The following ARHGAP6 variants were observed in gnomAD, a reference collection of about 807,000 sequenced individuals.
ARHGAP6 encodes the protein Rho GTPase activating protein 6.
A neutral mutation model predicts 55.7 loss-of-function variants in ARHGAP6; 16 were observed. The ratio of observed to expected loss-of-function variants is 0.29; its 90% CI spans 0.19 to 0.44. The LOEUF is 0.44. Among genes scored for constraint, ARHGAP6 ranks in the 20% least tolerant of loss-of-function variants. The pLI, the probability that ARHGAP6 is intolerant of heterozygous loss-of-function variation, is 1.00. For missense variants in ARHGAP6, 698 were observed against 808.9 expected (o/e 0.86, Z 1.66); for synonymous variants, 382 against 360.9 (o/e 1.06, Z -0.66).
chrX:11,473,077 A>C (rs2050364369), intron 1 of ARHGAP6, among the ~76,000 whole-genome samples: 1 of 111,031 alleles, frequency 9.0e-6, no homozygotes, highest in Non-Finnish European at 1.9e-5. Flanking sequence ...GTTTCCCTCC[A>C]AACATTGCCA....
chrX:11,298,495 C>G, intron 1 of ARHGAP6: 1 of 1,201,429 alleles, frequency 8.3e-7, no homozygotes, highest in Non-Finnish European at 1.1e-6. Flanking sequence ...TGCTGCTTCT[C>G]TGGTTGGAGT....
chrX:11,191,455 C>A (rs1353101157), intron 3 of ARHGAP6, among the ~76,000 whole-genome samples: 1 of 111,895 alleles, frequency 8.9e-6, no homozygotes, highest in Non-Finnish European at 1.9e-5. Context: ...GCCACCCCTG[C>A]TATAAATTAC....
intron 3 of ARHGAP6, among the ~76,000 whole-genome samples, chrX:11,194,731 G>A (rs935324353): frequency 1.8e-5 from 2 of 111,683 alleles, no homozygotes; most frequent in African/African-American, 3.3e-5. Context: ...TCCAAAGGAA[G>A]TAAAACAATG....
At chrX:11,210,821 A>G (rs2147387896) in intron 2 of ARHGAP6, among the ~76,000 whole-genome samples, 1 of 112,618 alleles carries the variant, frequency 8.9e-6, no homozygotes, top group South Asian at 3.6e-4. Context: ...TGAAACCAGG[A>G]GATTCCAACA....
intron 10 of ARHGAP6, among the ~76,000 whole-genome samples, chrX:11,153,853 T>C (rs1256278429): frequency 9.0e-6 from 1 of 111,081 alleles, no homozygotes; most frequent in Non-Finnish European, 1.9e-5. Flanking sequence ...AGGGTACATG[T>C]GCACAATGTG....
At chrX:11,158,636 T>C (rs896692654) in intron 9 of ARHGAP6, among the ~76,000 whole-genome samples, 1 of 112,528 alleles carries the variant, frequency 8.9e-6, no homozygotes, top group Middle Eastern at 4.2e-3. Flanking sequence ...GAAACTCTTT[T>C]TATTCCCATG....
chrX:11,419,609 A>T (rs1226309814), intron 1 of ARHGAP6, among the ~76,000 whole-genome samples: 1 of 112,144 alleles, frequency 8.9e-6, no homozygotes, highest in Non-Finnish European at 1.9e-5. Flanking sequence ...TGGCATCACC[A>T]AGCTAGGAAC....
intron 10 of ARHGAP6, among the ~76,000 whole-genome samples, chrX:11,153,614 A>G (rs1302281122): frequency 1.9e-5 from 2 of 107,960 alleles, no homozygotes; most frequent in Non-Finnish European, 3.8e-5. Context: ...AAAAGTAAAC[A>G]CTCATTTATT....
intron 1 of ARHGAP6, among the ~76,000 whole-genome samples, chrX:11,662,700 C>A (rs749178268): frequency 8.9e-6 from 1 of 112,322 alleles, no homozygotes; most frequent in Non-Finnish European, 1.9e-5. Context: ...ATACTATATT[C>A]CAAGTATGTA....
chrX:11,584,223 C>A (rs1314855194), intron 1 of ARHGAP6, among the ~76,000 whole-genome samples: 1 of 111,704 alleles, frequency 9.0e-6, no homozygotes, highest in Non-Finnish European at 1.9e-5. Context: ...CCCAGATAAG[C>A]AAACACAACC....
chrX:11,323,729 G>GT (rs1466003150), intron 1 of ARHGAP6, among the ~76,000 whole-genome samples: 1 of 109,357 alleles, frequency 9.1e-6, no homozygotes, highest in Admixed American at 9.7e-5. Context: ...GCTGGGCTTG[G>GT]TGGTGGGCAG....
intron 1 of ARHGAP6, among the ~76,000 whole-genome samples, chrX:11,475,560 TACACACACACACACACAC>T (rs199969639): frequency 1.1e-4 from 11 of 95,901 alleles, no homozygotes; most frequent in African/African-American, 4.2e-4. Flanking sequence ...TTAAAGAAAC[TACACACACACACACACAC>T]ACACACACAC....
rs536387594 is a variant in ARHGAP6, at chrX:11,609,458, T to A, written c.588+54783A>T. On this transcript the variant is annotated intron_variant, in intron 1 of 12. Transcript: ENST00000337414. Reference sequence around the variant, plus strand: ...CTTCTGTCCACTATTACTTGAGGGCTATTCTCTGAGGCATTAACCCCGCTT... The same window carrying A: ...CTTCTGTCCACTATTACTTGAGGGCAATTCTCTGAGGCATTAACCCCGCTT... Among the ~76,000 whole-genome samples the A allele has an allele frequency of 5.4e-5, 6 of 111,584 alleles. No homozygotes were observed. In the South Asian group the frequency reaches 2.3e-3, roughly 43 times the overall value.
intron 5 of ARHGAP6, among the ~76,000 whole-genome samples, chrX:11,182,967 T>C (rs2046338168): frequency 8.9e-6 from 1 of 111,787 alleles, no homozygotes; most frequent in Non-Finnish European, 1.9e-5. Flanking sequence ...TAGGTATTTT[T>C]ACATAGTTGA....
chrX:11,273,958 T>G (rs2047723366), intron 1 of ARHGAP6, among the ~76,000 whole-genome samples: 1 of 111,667 alleles, frequency 9.0e-6, no homozygotes, highest in Admixed American at 9.5e-5. Context: ...TATGCCCATT[T>G]TATAGATGAA....
chrX:11,642,649 G>T lies in ARHGAP6; in HGVS notation c.588+21592C>A, dbSNP rs150304190. On this transcript the variant is annotated intron_variant, in intron 1 of 12. Coordinates refer to ENST00000337414, the MANE Select transcript of ARHGAP6 (RefSeq NM_013427.3). ...AGATACATACTATAACATGAACATG[G>T]ATGAATCTTGAAAACATTTTGCTAA... 6.0e-3 allele frequency among the ~76,000 whole-genome samples: 668 copies of T among 111,901 alleles called. 4 individuals are homozygous for T. Among genetic ancestry groups the T allele is most frequent in the African/African-American group, 0.021 (635 of 30,908 alleles).
intron 8 of ARHGAP6, among the ~76,000 whole-genome samples, chrX:11,172,475 C>T (rs751897716): frequency 1.8e-5 from 2 of 109,865 alleles, no homozygotes; most frequent in South Asian, 7.9e-4. Context: ...TTCCCCTTAC[C>T]CCTGTAAAGT....
intron 1 of ARHGAP6, among the ~76,000 whole-genome samples, chrX:11,451,614 C>G: frequency 8.9e-6 from 1 of 112,063 alleles, no homozygotes; most frequent in Non-Finnish European, 1.9e-5. Flanking sequence ...CTCATCTATA[C>G]TTTCAGCTTT....
intron 1 of ARHGAP6, among the ~76,000 whole-genome samples, chrX:11,272,684 G>GACACATTAGTGGGTGCAGTGCACCAGC (rs2047706649): frequency 9.0e-6 from 1 of 110,723 alleles, no homozygotes; most frequent in Non-Finnish European, 1.9e-5. Flanking sequence ...CCAATTAAGA[G>GACACATTAGTGGGTGCAGTGCACCAGC]ATTAAGTCTC....
Sources: gnomAD v4.1 joint callset for allele counts (sites outside exome capture counted in the v4.1 genomes callset) on GRCh38, gnomAD v4.1.1 for gene constraint, MANE v1.5 for transcripts, NCBI Gene and HGNC (gene_info 2026-07-23, HGNC 2026-07-21) for gene names.